PLCG2: variants seen among roughly 807,000 people sequenced by gnomAD.
PLCG2 encodes 1-phosphatidylinositol 4,5-bisphosphate phosphodiesterase gamma-2.
In PLCG2, 69 loss-of-function variants were observed where a neutral mutation model predicts 175.6. The ratio of observed to expected loss-of-function variants is 0.39; its 90% confidence interval spans 0.32 to 0.48. PLCG2 has a LOEUF of 0.48. Ranked by LOEUF, PLCG2 falls within the 20% of genes least tolerant of loss-of-function variation. The pLI is 0.91. For synonymous variants in PLCG2, 827 were observed against 624.0 expected (o/e 1.33, Z -4.85); for missense variants, 1,798 against 1,650.9 (o/e 1.09, Z -1.54).
At chr16:81,745,600 C>T (rs1331628449) in intron 1 of PLCG2, among the ~76,000 whole-genome samples, 1 of 152,214 alleles carries the variant, frequency 6.6e-6, no homozygotes, top group African/African-American at 2.4e-5. Context: ...ATGTAGTTGG[C>T]TCCTGGGGAT....
intron 2 of PLCG2, among the ~76,000 whole-genome samples, chr16:81,821,448 G>A (rs373138648): frequency 1.3e-5 from 2 of 152,120 alleles, no homozygotes; most frequent in East Asian, 1.9e-4. Flanking sequence ...AGCCTCGGTG[G>A]CTGTTGCCTT....
chr16:81,755,532 C>CTGAAACTATCTCTGCAGAAGT (rs1909903970), intron 1 of PLCG2, among the ~76,000 whole-genome samples: 1 of 150,920 alleles, frequency 6.6e-6, no homozygotes, highest in African/African-American at 2.4e-5. Context: ...ACGTCAGCTT[C>CTGAAACTATCTCTGCAGAAGT]TCTTATTTTT....
In PLCG2 at chr16:81,908,427, T is replaced by A. The variant is rs199708049; in HGVS notation, c.1569T>A (p.Pro523=). 1.9e-4 allele frequency: 308 copies of A among 1,613,886 alleles called. No homozygotes were observed. Among genetic ancestry groups the A allele is most frequent in the South Asian group, 2.9e-4 (26 of 91,040 alleles). Residue 523 remains proline (P), a synonymous_variant, in exon 17 of 33, where the codon CCT becomes CCA. Transcript: ENST00000564138. The stretch of plus-strand genomic sequence containing the variant: ...TCTTTGCGGCCCAGGATATACCCCC[T>A]ACAGAACTACATTTTGGGGAGAAAT... ...MEEEVPQDIP[P]TELHFGEKWF...
chr16:81,861,028 C>G (rs185476028), intron 5 of PLCG2, among the ~76,000 whole-genome samples: 8 of 151,948 alleles, frequency 5.3e-5, no homozygotes, highest in African/African-American at 9.7e-5. Flanking sequence ...AAACCCACCA[C>G]GACAAGAAAA....
At chr16:81,939,410 G>A (rs1204179203) in intron 29 of PLCG2, among the ~76,000 whole-genome samples, 1 of 152,142 alleles carries the variant, frequency 6.6e-6, no homozygotes, top group Non-Finnish European at 1.5e-5. Context: ...CTTGCCCCTG[G>A]TAAAAAGTAG....
intron 2 of PLCG2, among the ~76,000 whole-genome samples, chr16:81,790,019 G>C (rs1444785755): frequency 1.3e-5 from 2 of 152,260 alleles, no homozygotes; most frequent in African/African-American, 2.4e-5. Context: ...GAGCTTTGCT[G>C]TGTGATCTTG....
At chr16:81,747,902 T>G (rs914476031) in intron 1 of PLCG2, among the ~76,000 whole-genome samples, 2 of 152,140 alleles carry the variant, frequency 1.3e-5, no homozygotes, top group Admixed American at 1.3e-4. Flanking sequence ...CATTTTTTTT[T>G]GAGATGGAAT....
At chr16:81,790,809 C>T (rs193166441) in intron 2 of PLCG2, among the ~76,000 whole-genome samples, 8 of 152,172 alleles carry the variant, frequency 5.3e-5, no homozygotes, top group African/African-American at 1.7e-4. Context: ...TTGGCAAAGT[C>T]TGGAGACGTG....
intron 9 of PLCG2, among the ~76,000 whole-genome samples, 167 bp from the exon 10 acceptor site, chr16:81,889,005 C>T (rs1567517690): frequency 6.6e-6 from 1 of 152,030 alleles, no homozygotes; most frequent in African/African-American, 2.4e-5. Flanking sequence ...TGACCCCTGG[C>T]AGAGGGCCAT....
intron 18 of PLCG2, among the ~76,000 whole-genome samples, chr16:81,911,760 G>A (rs928009912): frequency 4.1e-5 from 6 of 146,828 alleles, no homozygotes; most frequent in African/African-American, 1.0e-4. Context: ...ATAGGCGCAC[G>A]CCACTGGGCC....
chr16:81,756,855 G>A (rs1336198468), intron 2 of PLCG2, among the ~76,000 whole-genome samples: 3 of 152,122 alleles, frequency 2.0e-5, no homozygotes, highest in African/African-American at 2.4e-5. Flanking sequence ...AGTTTGTTCC[G>A]AGTCTGATCT....
At chr16:81,801,613 G>C (rs1190366211) in intron 2 of PLCG2, among the ~76,000 whole-genome samples, 1 of 152,010 alleles carries the variant, frequency 6.6e-6, no homozygotes. Flanking sequence ...ATTACTATAG[G>C]ATTCTACCTT....
intron 15 of PLCG2, among the ~76,000 whole-genome samples, chr16:81,906,573 A>T (rs1013243743): frequency 2.6e-5 from 4 of 152,122 alleles, no homozygotes; most frequent in Non-Finnish European, 5.9e-5. Context: ...ACAGATGTGC[A>T]CCACCATGCC....
At position 81,858,374 on chromosome 16, in the gene PLCG2, G is replaced by C. The variant is rs1349853103; in HGVS notation, c.431+18G>C. The C allele has an allele frequency of 2.8e-5, 43 of 1,549,490 alleles. No homozygotes were observed. The highest frequency in any genetic ancestry group is 3.7e-5 in the Non-Finnish European group (42 of 1,121,072). ...ATCGAGAGGTAGTTGGCTTTTGCCTGTTGATTTGCGTAGTTGCTGATTCCT... is the reference window on the plus strand; with the variant it reads ...ATCGAGAGGTAGTTGGCTTTTGCCTCTTGATTTGCGTAGTTGCTGATTCCT... On this transcript the variant is annotated intron_variant, in intron 4 of 32. Transcript: ENST00000564138.
chr16:81,784,750 C>A (rs1208708386), intron 1 of PLCG2, among the ~76,000 whole-genome samples: 1 of 152,148 alleles, frequency 6.6e-6, no homozygotes, highest in African/African-American at 2.4e-5. Context: ...GATACTGTTA[C>A]CTTCTTTTAT....
At chr16:81,799,390 C>T (rs186373944) in intron 2 of PLCG2, among the ~76,000 whole-genome samples, 2 of 152,206 alleles carry the variant, frequency 1.3e-5, no homozygotes, top group African/African-American at 4.8e-5. Context: ...ACTTTGTGAC[C>T]ATGTTAGTAT....
intron 17 of PLCG2, 22 bp downstream of exon 17, chr16:81,908,613 A>G: frequency 6.3e-7 from 1 of 1,586,656 alleles, no homozygotes; most frequent in Non-Finnish European, 8.6e-7. Context: ...GACCCAGGGA[A>G]CGCCTACCTT....
At chr16:81,757,390 C>G (rs939394626) in intron 2 of PLCG2, among the ~76,000 whole-genome samples, 6 of 152,126 alleles carry the variant, frequency 3.9e-5, no homozygotes, top group African/African-American at 1.4e-4. Flanking sequence ...ATGGTGAAAC[C>G]CCGTCTCTAC....
rs1272977976 is a variant in PLCG2 at position 81,938,828 on chromosome 16, C to G, written c.3226C>G (p.Leu1076Val). The G allele has an allele frequency of 1.2e-6, 2 of 1,608,910 alleles. No homozygotes were observed. Among genetic ancestry groups the G allele is most frequent in the Admixed American group, 3.4e-5 (2 of 59,578 alleles). Reference sequence around the variant, plus strand: ...TCTCGGTGCTCGCCATCTCCCCAAACTTGGACGAAGTATTGCCTGTCCCTT... The same window carrying G: ...TCTCGGTGCTCGCCATCTCCCCAAAGTTGGACGAAGTATTGCCTGTCCCTT... The part of the protein sequence containing the change: ...KVLGARHLPK[L>V]GRSIACPFVE... The change falls in exon 29 of 33, where the codon CTT becomes GTT. Residue 1076 changes from leucine (L) to valine (V), a missense_variant. By Grantham distance (32) the Leu-to-Val change is conservative. Transcript: ENST00000564138.
Sources: gnomAD v4.1 joint callset for allele counts (sites outside exome capture counted in the v4.1 genomes callset) on GRCh38, gnomAD v4.1.1 for gene constraint, MANE v1.5 for transcripts, NCBI Gene and HGNC (gene_info 2026-07-23, HGNC 2026-07-21) for gene names.